Variants in MSANTD2 observed in about 807,000 individuals in gnomAD.
MSANTD2 encodes the protein myb/SANT-like DNA-binding domain-containing protein 2.
MSANTD2 carries 19 observed loss-of-function variants against 52.6 expected under a neutral mutation model. That is an observed-to-expected ratio of 0.36 (90% CI 0.25 to 0.53). The LOEUF (loss-of-function observed/expected upper bound fraction) is 0.53, where lower values mean the gene tolerates loss of function less well. Ranked by LOEUF, MSANTD2 falls within the 20% of genes least tolerant of loss-of-function variation. MSANTD2 has a pLI of 0.91. For synonymous variants in MSANTD2, 291 were observed against 289.7 expected (o/e 1.00, Z -0.04); for missense variants, 558 against 716.3 (o/e 0.78, Z 2.52).
chr11:124,783,827 G>T (rs1945068791), intron 1 of MSANTD2: 5 of 985,298 alleles, frequency 5.1e-6, no homozygotes, highest in East Asian at 1.1e-4. Flanking sequence ...CATCTTCCAT[G>T]GCTCAAGGAA....
chr11:124,768,266 T>C (rs1944376834), intron 3 of MSANTD2, among the ~76,000 whole-genome samples: 1 of 152,240 alleles, frequency 6.6e-6, no homozygotes, highest in Admixed American at 6.5e-5. Context: ...ATCAACCTAT[T>C]AAAATGAAAA....
chr11:124,770,056 C>T (rs1347214539), intron 3 of MSANTD2, among the ~76,000 whole-genome samples: 2 of 152,172 alleles, frequency 1.3e-5, no homozygotes, highest in African/African-American at 4.8e-5. Flanking sequence ...GTTATTTAAA[C>T]AATTCCTGAG....
At chr11:124,790,750 C>T (rs936249098) in intron 1 of MSANTD2, 1 of 157,022 alleles carries the variant, frequency 6.4e-6, no homozygotes, top group East Asian at 1.9e-4. Context: ...TAGCGTATCA[C>T]CTGACCTCTT....
chr11:124,792,208 A>G (rs1262460578), intron 1 of MSANTD2: 2 of 153,232 alleles, frequency 1.3e-5, no homozygotes, highest in Non-Finnish European at 2.9e-5. Context: ...AACACCATAA[A>G]AAAGTTGTTA....
At chr11:124,778,730 AG>A (rs1321983739) in intron 1 of MSANTD2, among the ~76,000 whole-genome samples, 1 of 152,238 alleles carries the variant, frequency 6.6e-6, no homozygotes. Flanking sequence ...TTACCAAAGC[AG>A]GGAGAAAAAT....
At chr11:124,791,807 G>A (rs1458963737) in intron 1 of MSANTD2, 1 of 542,038 alleles carries the variant, frequency 1.8e-6, no homozygotes, top group Non-Finnish European at 3.4e-6. Context: ...TCCCCCGCCA[G>A]GGGCAGGTAT....
At chr11:124,798,132 G>A (rs574389957) in intron 1 of MSANTD2, among the ~76,000 whole-genome samples, 1 of 151,558 alleles carries the variant, frequency 6.6e-6, no homozygotes, top group African/African-American at 2.4e-5. Context: ...GCTGGGCACG[G>A]TGGCTCACGC....
chr11:124,788,400 CACT>C (rs1396069229), intron 1 of MSANTD2, among the ~76,000 whole-genome samples: 1 of 152,112 alleles, frequency 6.6e-6, no homozygotes, highest in Non-Finnish European at 1.5e-5. Context: ...TCAGACTTAC[CACT>C]ACTGTTTCTT....
chr11:124,786,841 G>C (rs745969675), intron 1 of MSANTD2, among the ~76,000 whole-genome samples: 1 of 152,116 alleles, frequency 6.6e-6, no homozygotes, highest in Non-Finnish European at 1.5e-5. Flanking sequence ...TAATCACGTC[G>C]TTGCCAAAAA....
At position 124,779,906 on chromosome 11, in the gene MSANTD2, T is replaced by C. The variant is rs1944892499; in HGVS notation, c.511-4932A>G. 6.6e-6 allele frequency among the ~76,000 whole-genome samples: 1 copy of C among 152,186 alleles called. No individual in the cohort carries two copies. Among genetic ancestry groups the C allele is most frequent in the Non-Finnish European group, 1.5e-5 (1 of 68,012 alleles). ...GGGAGTAAATTTCCAGTGACTAATT[T>C]TCTTATAAAATTGTTAAAAATGATA... On this transcript the variant is annotated intron_variant, in intron 1 of 3. Transcript: ENST00000374979. The surrounding 1 kb of genome is among the most constrained non-coding windows in gnomAD (Gnocchi z 4.6).
chr11:124,791,121 G>A, intron 1 of MSANTD2: 1 of 667,094 alleles, frequency 1.5e-6, no homozygotes, highest in South Asian at 1.7e-5. Flanking sequence ...TGGTGAAGAG[G>A]ACCCAGGGAC....
At position 124,774,835 on chromosome 11, in the gene MSANTD2, C is replaced by T. The variant is rs1944679362; in HGVS notation, c.650G>A (p.Ser217Asn). 6.2e-7 allele frequency: 1 copy of T among 1,614,220 alleles called. No homozygotes were observed. ...AQPCQPVLIN[S>N]SGLYQELESD... ...CTCCAGCTCCTGGTACAAGCCACTA[C>T]TGTTAATAAGTACAGGCTGGCAGGG... The change falls in exon 2 of 4, where the codon AGT becomes AAT. Residue 217 changes from serine (S) to asparagine (N), a missense_variant. This residue lies in a region of MSANTD2 where 408 missense variants were observed against 573.6 expected (regional missense o/e 0.71). Transcript: ENST00000374979. This position sits in a 1 kb window ranked among gnomAD's most constrained non-coding sequence, Gnocchi z 5.1.
In MSANTD2 at chr11:124,800,256, GA is replaced by G; in HGVS notation, c.124del (p.Ser42ProfsTer138). On this transcript the variant is annotated frameshift_variant, in exon 1 of 4. Transcript: ENST00000374979. LOFTEE classifies it high-confidence loss of function. The surrounding 1 kb of genome is among the most constrained non-coding windows in gnomAD (Gnocchi z 4.3). ...GAGCGGGGAGGCACCCCGAGGCGTG[GA>G]AGGGTCGGACAGCGATGGATTTCCG... Reference protein sequence around the residue: ...SDGNPSLSDPSTPRGASPLGP... With the variant: ...SDGNPSLSDPXTPRGASPLGP... 6.4e-7 allele frequency: 1 copy of G among 1,563,330 alleles called. No individual in the cohort carries two copies. The highest frequency in any genetic ancestry group is 8.6e-7 in the Non-Finnish European group (1 of 1,158,068).
intron 1 of MSANTD2, among the ~76,000 whole-genome samples, chr11:124,777,520 C>T (rs936135940): frequency 1.3e-5 from 2 of 152,238 alleles, no homozygotes; most frequent in South Asian, 4.1e-4. Flanking sequence ...GAGCTTAATA[C>T]TTCACTTGGC....
chr11:124,800,188 C>A lies in MSANTD2; in HGVS notation c.193G>T (p.Gly65Cys). 2.0e-6 allele frequency: 3 copies of A among 1,469,566 alleles called. No homozygotes were observed. Among genetic ancestry groups the A allele is most frequent in the Non-Finnish European group, 2.7e-6 (3 of 1,113,736 alleles). 91.0% of individuals were successfully genotyped at this position (1,469,566 alleles called of 1,614,324 possible). Residue 65 changes from glycine to cysteine, a missense_variant, in exon 1 of 4, where the codon GGT (glycine) becomes TGT (cysteine). Physicochemically the swap from Gly to Cys is radical, Grantham distance 159. Coordinates refer to ENST00000374979, the MANE Select transcript of MSANTD2 (RefSeq NM_001308027.2). The surrounding 1 kb of genome is among the most constrained non-coding windows in gnomAD (Gnocchi z 4.3). ...AAGSGAAASG[G>C]LGLGLGGRSA... ...CGGCCCCCCAGCCCCAGCCCGAGAC[C>A]CCCGGACGCCGCTGCCCCCGAGCCC... is the stretch of plus-strand genomic sequence containing the variant.
At chr11:124,776,912 T>G (rs1944768074) in intron 1 of MSANTD2, among the ~76,000 whole-genome samples, 1 of 152,224 alleles carries the variant, frequency 6.6e-6, no homozygotes, top group Admixed American at 6.5e-5. Context: ...TTCTTCTTCC[T>G]CTTTGTAAAA....
intron 3 of MSANTD2, among the ~76,000 whole-genome samples, chr11:124,768,902 T>C (rs1408773134): frequency 6.6e-6 from 1 of 152,198 alleles, no homozygotes; most frequent in South Asian, 2.1e-4. Context: ...AATTTGTATA[T>C]ATATGAAGCT....
chr11:124,782,054 T>C (rs149790415), intron 1 of MSANTD2, among the ~76,000 whole-genome samples: 24 of 152,336 alleles, frequency 1.6e-4, no homozygotes, highest in African/African-American at 5.8e-4. Context: ...TATCACTGTC[T>C]TTGGCAAATG....
chr11:124,771,415 ACT>A (rs1944515899), intron 3 of MSANTD2, among the ~76,000 whole-genome samples: 1 of 152,112 alleles, frequency 6.6e-6, no homozygotes, highest in Non-Finnish European at 1.5e-5. Flanking sequence ...CCAAAGAGAG[ACT>A]CTGAAAAAGA....
Sources: allele counts gnomAD v4.1 joint callset (sites outside exome capture counted in the v4.1 genomes callset), GRCh38; gene constraint gnomAD v4.1.1; regional missense constraint gnomAD v4.1.1; non-coding constraint Gnocchi (gnomAD v3.1); transcripts MANE v1.5; gene names NCBI Gene and HGNC (gene_info 2026-07-23, HGNC 2026-07-21).